METTL5: variants seen among roughly 807,000 people sequenced by gnomAD.
METTL5 encodes the protein rRNA N(6)-adenosine-methyltransferase METTL5.
METTL5 carries 28 observed loss-of-function variants against 26.5 expected under a neutral mutation model. The observed-to-expected ratio is 1.06, with a 90% CI of 0.78 to 1.45. The LOEUF (loss-of-function observed/expected upper bound fraction) is 1.45. Ranked by LOEUF, METTL5 falls within the 40% of genes most tolerant of loss-of-function variation. The pLI, the probability that METTL5 is intolerant of heterozygous loss-of-function variation, is 0.00. For synonymous variants in METTL5, 86 were observed against 82.6 expected, an observed-to-expected ratio of 1.04 and a Z score of -0.22; for missense variants, 231 against 249.9, an observed-to-expected ratio of 0.92 and a Z score of 0.51.
chr2:169,824,495 T>G lies in METTL5; in HGVS notation c.103A>C (p.Ile35Leu). The change falls in exon 1 of 7, where the codon ATT becomes CTT. Residue 35 changes from isoleucine (I) to leucine (L), a missense_variant. By Grantham distance (5) the Ile-to-Leu change is conservative (BLOSUM62 2). Coordinates refer to ENST00000260953, the MANE Select transcript of METTL5 (RefSeq NM_014168.4). The stretch of plus-strand genomic sequence containing the variant: ...GGTGAACCAGCCGCCCTACCTGCAA[T>G]GTGCGGCCTGGTAGGATACTGTTCC... The part of the protein sequence containing the change: ...LLEQYPTRPH[I>L]AACMLYTIHN... The G allele has an allele frequency of 6.2e-7, 1 of 1,613,742 alleles. No individual in the cohort carries two copies. Among genetic ancestry groups the G allele is most frequent in the Non-Finnish European group, 8.5e-7 (1 of 1,179,618 alleles).
intron 5 of METTL5, 193 bp from the exon 6 acceptor site, chr2:169,812,699 A>G (rs1018331600): frequency 9.1e-5 from 52 of 568,552 alleles, no homozygotes; most frequent in South Asian, 2.3e-4. Flanking sequence ...CATTTCTGTT[A>G]TTATGGCCAT....
intron 5 of METTL5, 54 bp downstream of exon 5, chr2:169,815,423 G>T: frequency 7.4e-7 from 1 of 1,343,046 alleles, no homozygotes; most frequent in Non-Finnish European, 1.0e-6. Flanking sequence ...GAAAATTTTG[G>T]TTGGGCGAAT....
intron 4 of METTL5, among the ~76,000 whole-genome samples, chr2:169,819,106 T>G (rs911463087): frequency 1.3e-5 from 2 of 152,190 alleles, no homozygotes; most frequent in African/African-American, 4.8e-5. Flanking sequence ...TATACACCTC[T>G]CCATGTGTTA....
Position 169,824,484 on chromosome 2 carries a change from C to A in METTL5, c.109+5G>T. Reference sequence around the variant, plus strand: ...AGCCGGGGCGTGGTGAACCAGCCGCCCTACCTGCAATGTGCGGCCTGGTAG... The same window carrying A: ...AGCCGGGGCGTGGTGAACCAGCCGCACTACCTGCAATGTGCGGCCTGGTAG... On this transcript the variant is annotated splice_donor_5th_base_variant and intron_variant, in intron 1 of 6. Coordinates refer to ENST00000260953, the MANE Select transcript of METTL5 (RefSeq NM_014168.4). 8.7e-6 allele frequency: 14 copies of A among 1,611,610 alleles called. No homozygotes were observed. Among genetic ancestry groups the A allele is most frequent in the Non-Finnish European group, 1.2e-5 (14 of 1,177,728 alleles).
intron 4 of METTL5, among the ~76,000 whole-genome samples, chr2:169,816,853 C>A (rs976561137): frequency 4.6e-5 from 7 of 152,112 alleles, no homozygotes; most frequent in African/African-American, 1.7e-4. Context: ...AAAACCTAGG[C>A]AATACCATTC....
At chr2:169,820,424 A>G (rs2081568552) in intron 3 of METTL5, among the ~76,000 whole-genome samples, 1 of 152,234 alleles carries the variant, frequency 6.6e-6, no homozygotes, top group African/African-American at 2.4e-5. Flanking sequence ...AATTCTTTCT[A>G]TGTTTCGTAT....
intron 5 of METTL5, 88 bp from the exon 6 acceptor site, chr2:169,812,594 A>G (rs981454842): frequency 4.9e-5 from 70 of 1,425,878 alleles, no homozygotes; most frequent in Non-Finnish European, 6.6e-5. Flanking sequence ...AAAAACTAAG[A>G]AAAGTGTTAA....
intron 5 of METTL5, among the ~76,000 whole-genome samples, chr2:169,813,676 GA>G (rs1276213217): frequency 1.4e-4 from 21 of 151,390 alleles, no homozygotes. Context: ...CCAACATTGT[GA>G]AACCTCATCT....
At chr2:169,813,713 A>C (rs1690057337) in intron 5 of METTL5, among the ~76,000 whole-genome samples, 1 of 151,742 alleles carries the variant, frequency 6.6e-6, no homozygotes, top group Non-Finnish European at 1.5e-5. Flanking sequence ...ATAATAAAAA[A>C]AACAGCTGGA....
Position 169,812,459 on chromosome 2 carries a change from A to G in METTL5, c.589T>C (p.Ser197Pro). Residue 197 changes from serine (S) to proline (P), a missense_variant and splice_region_variant, in exon 6 of 7, where the codon TCA (serine) becomes CCA (proline). Physicochemically the swap from Ser to Pro is moderately conservative, Grantham distance 74. Transcript: ENST00000260953. ...PASYKFHKKKSVDIEVDLIRF... is the reference protein window; with the variant it reads ...PASYKFHKKKPVDIEVDLIRF... ...CCAGCCAAAATCAAGAGACTTACTG[A>G]TTTCTTTTTGTGAAACTTGTATGAT... The G allele has an allele frequency of 6.2e-7, 1 of 1,614,002 alleles. No individual in the cohort carries two copies. The highest frequency in any genetic ancestry group is 8.5e-7 in the Non-Finnish European group (1 of 1,179,960).
Position 169,824,867 on chromosome 2 carries a change from C to T in METTL5, c.-270G>A, listed in dbSNP as rs973885204. 1.2e-5 allele frequency: 3 copies of T among 251,002 alleles called. No homozygotes were observed. The highest frequency in any genetic ancestry group is 1.5e-5 in the Non-Finnish European group (2 of 132,192). 15.5% of individuals were successfully genotyped at this position (251,002 alleles called of 1,614,324 possible). ...GGATCCCTCGCGCCACGACCACGCA[C>T]CTCTGGAGGCGACCCGCACCTCGGC... On this transcript the variant is annotated 5_prime_UTR_variant, in exon 1 of 7. In the 5' UTR this introduces an upstream ATG that the reference lacks. Coordinates refer to ENST00000260953, the MANE Select transcript of METTL5 (RefSeq NM_014168.4).
chr2:169,820,051 G>A (rs968563651), intron 3 of METTL5, among the ~76,000 whole-genome samples: 14 of 151,742 alleles, frequency 9.2e-5, no homozygotes, highest in African/African-American at 2.7e-4. Context: ...TCCGCCTCCC[G>A]GATTCAAGTG....
chr2:169,823,273 G>A (rs923510472), intron 1 of METTL5, among the ~76,000 whole-genome samples: 3 of 151,860 alleles, frequency 2.0e-5, no homozygotes, highest in Admixed American at 6.6e-5. Context: ...CACTGTACTT[G>A]GCCAGATTGT....
chr2:169,813,553 T>C (rs964884194), intron 5 of METTL5, among the ~76,000 whole-genome samples: 1 of 151,906 alleles, frequency 6.6e-6, no homozygotes, highest in Non-Finnish European at 1.5e-5. Context: ...TGTTCCGTAC[T>C]GCATATAATA....
At chr2:169,814,741 A>G (rs544077689) in intron 5 of METTL5, among the ~76,000 whole-genome samples, 1 of 151,312 alleles carries the variant, frequency 6.6e-6, no homozygotes, top group Non-Finnish European at 1.5e-5. Context: ...CACCTGGCTA[A>G]TTTTTTTGTA....
At position 169,824,765 on chromosome 2, in the gene METTL5, G is replaced by A. The variant is rs1022798513; in HGVS notation, c.-168C>T. ...GAGACGCCCGGACGCAGGGCACGGG[G>A]CGAGCCTCTGACCCACCTCCCGGCT... On this transcript the variant is annotated 5_prime_UTR_variant, in exon 1 of 7. Transcript: ENST00000260953. The A allele has an allele frequency of 5.2e-6, 3 of 577,356 alleles. No homozygotes were observed. The highest frequency in any genetic ancestry group is 9.3e-6 in the Non-Finnish European group (3 of 323,800). The allele number at this position is 577,356 out of a possible 1,614,324, so 35.8% of individuals were successfully genotyped here.
chr2:169,824,525 G>A lies in METTL5; in HGVS notation c.73C>T (p.Leu25Phe). ...QVDGFEKPKLLLEQYPTRPHI... is the reference protein window; with the variant it reads ...QVDGFEKPKLFLEQYPTRPHI... ...GGCCTGGTAGGATACTGTTCCAGAA[G>A]TAGCTTGGGCTTTTCAAATCCATCC... The change falls in exon 1 of 7, where the codon CTT becomes TTT. Residue 25 changes from leucine (L) to phenylalanine (F), a missense_variant. By Grantham distance (22) the Leu-to-Phe change is conservative (BLOSUM62 0). Transcript: ENST00000260953. 1 of 1,614,208 alleles carries A rather than the reference G, an allele frequency of 6.2e-7. No homozygotes were observed. The highest frequency in any genetic ancestry group is 1.1e-5 in the South Asian group (1 of 91,086).
chr2:169,821,926 T>G lies in METTL5; in HGVS notation c.224+17A>C, dbSNP rs748318812. 64 of 1,608,912 alleles carry G rather than the reference T, an allele frequency of 4.0e-5. No homozygotes were observed. The highest frequency in any genetic ancestry group is 5.2e-5 in the Non-Finnish European group (61 of 1,176,438). On this transcript the variant is annotated intron_variant, in intron 2 of 6. Coordinates refer to ENST00000260953, the MANE Select transcript of METTL5 (RefSeq NM_014168.4). ...AAAGCCACCCAATACCCAAATAGCA[T>G]ATATTGCATTACGTACCCTGCTCCT...
chr2:169,820,787 A>C (rs189773628), intron 3 of METTL5, among the ~76,000 whole-genome samples: 2 of 152,292 alleles, frequency 1.3e-5, no homozygotes, highest in Admixed American at 1.3e-4. Context: ...TTCATGGCTC[A>C]TCGCAGCCCC....
Sources: gnomAD v4.1 joint callset for allele counts (sites outside exome capture counted in the v4.1 genomes callset) on GRCh38, gnomAD v4.1.1 for gene constraint, MANE v1.5 for transcripts, NCBI Gene and HGNC (gene_info 2026-07-23, HGNC 2026-07-21) for gene names.